The following WWOX variants were observed in gnomAD, a reference collection of about 807,000 sequenced individuals.
WWOX encodes the protein WW domain containing oxidoreductase.
A neutral mutation model predicts 46.2 loss-of-function variants in WWOX; 69 were observed. That is an observed-to-expected ratio of 1.49 (90% CI 1.23 to 1.82). The LOEUF is 1.82. Ranked by LOEUF, WWOX falls within the 40% of genes most tolerant of loss-of-function variation. The probability of loss-of-function intolerance (pLI) is 0.00; values close to 1 mark genes in which losing one functional copy is unlikely to be tolerated. For missense variants in WWOX, 919 were observed against 542.6 expected (o/e 1.69, Z -6.89); for synonymous variants, 359 against 202.6 (o/e 1.77, Z -6.56).
intron 8 of WWOX, among the ~76,000 whole-genome samples, chr16:78,479,828 G>C (rs1024644279): frequency 2.0e-5 from 3 of 152,212 alleles, no homozygotes; most frequent in African/African-American, 7.2e-5. Flanking sequence ...TGAAAGCCAG[G>C]CTGAGGCTGG....
intron 8 of WWOX, among the ~76,000 whole-genome samples, chr16:78,869,452 C>T (rs747293299): frequency 2.6e-5 from 4 of 152,180 alleles, no homozygotes; most frequent in Non-Finnish European, 5.9e-5. Flanking sequence ...CAAGTTTATA[C>T]GCAAGAAGTG....
chr16:78,611,411 C>G (rs1597345825), intron 8 of WWOX, among the ~76,000 whole-genome samples: 1 of 152,144 alleles, frequency 6.6e-6, no homozygotes, highest in Non-Finnish European at 1.5e-5. Flanking sequence ...AATAAATTGT[C>G]TATCCTAAGG....
intron 6 of WWOX, among the ~76,000 whole-genome samples, chr16:78,400,965 T>C (rs1416744340): frequency 6.6e-6 from 1 of 152,144 alleles, no homozygotes; most frequent in Non-Finnish European, 1.5e-5. Flanking sequence ...TGGGACTACA[T>C]GCCTGCACCA....
chr16:78,395,268 C>G (rs1292114360), intron 6 of WWOX, among the ~76,000 whole-genome samples: 7 of 152,160 alleles, frequency 4.6e-5, no homozygotes, highest in Non-Finnish European at 1.0e-4. Context: ...CCTGTTATCC[C>G]AGCACTTTGG....
chr16:78,340,097 ACT>A (rs2080983670), intron 5 of WWOX, among the ~76,000 whole-genome samples: 1 of 88,948 alleles, frequency 1.1e-5, no homozygotes, highest in South Asian at 3.8e-4. Flanking sequence ...TACTCTTTTA[ACT>A]CTCTGATGTT....
intron 7 of WWOX, among the ~76,000 whole-genome samples, chr16:78,431,231 G>A (rs1295553843): frequency 6.6e-6 from 1 of 152,198 alleles, no homozygotes; most frequent in East Asian, 1.9e-4. Context: ...GTTGATTTGT[G>A]TACATCCATG....
At chr16:78,681,723 G>C (rs1260359191) in intron 8 of WWOX, among the ~76,000 whole-genome samples, 2 of 152,208 alleles carry the variant, frequency 1.3e-5, no homozygotes, top group African/African-American at 4.8e-5. Context: ...TACCTGAAGT[G>C]AATGGGACAG....
rs187455301 is a variant in WWOX, at chr16:78,698,222, G to C, written c.1056+265470G>C. 5.4e-3 allele frequency among the ~76,000 whole-genome samples: 818 copies of C among 152,258 alleles called. 6 individuals carry two copies. The highest frequency in any genetic ancestry group is 8.1e-3 in the Non-Finnish European group (553 of 68,022). On this transcript the variant is annotated intron_variant, in intron 8 of 8. Transcript: ENST00000566780. ...GGTCAGACAACACAGATGGAGTTTG[G>C]ATTCGGGCACTGGTGACAGTGAAGA...
chr16:78,656,305 G>A (rs1419098636), intron 8 of WWOX, among the ~76,000 whole-genome samples: 21 of 152,088 alleles, frequency 1.4e-4, no homozygotes. Context: ...CAACATGCAT[G>A]TCCTTTCTCT....
chr16:79,163,997 A>T (rs933035639), intron 8 of WWOX, among the ~76,000 whole-genome samples: 5 of 152,128 alleles, frequency 3.3e-5, no homozygotes, highest in African/African-American at 1.2e-4. Flanking sequence ...TTTGCAAATA[A>T]ACAGTGAGAA....
At chr16:78,797,594 C>G (rs376318965) in intron 8 of WWOX, among the ~76,000 whole-genome samples, 1 of 152,100 alleles carries the variant, frequency 6.6e-6, no homozygotes, top group East Asian at 1.9e-4. Context: ...TGTCAATATT[C>G]CTGAGCTTCC....
intron 8 of WWOX, among the ~76,000 whole-genome samples, chr16:78,878,008 A>G (rs373724281): frequency 1.3e-5 from 2 of 152,238 alleles, no homozygotes; most frequent in African/African-American, 4.8e-5. Flanking sequence ...TATAGGCTCT[A>G]GCAGGTCCCT....
intron 8 of WWOX, among the ~76,000 whole-genome samples, chr16:78,792,869 A>C (rs546678221): frequency 6.6e-6 from 1 of 152,270 alleles, no homozygotes; most frequent in South Asian, 2.1e-4. Context: ...ATTTAGCAGT[A>C]ACAGAATCCA....
chr16:78,656,105 A>T (rs1255239233), intron 8 of WWOX, among the ~76,000 whole-genome samples: 3 of 152,110 alleles, frequency 2.0e-5, no homozygotes, highest in African/African-American at 7.2e-5. Context: ...TGGGATGGGG[A>T]AGAATCAAAA....
At chr16:79,185,655 C>A (rs2050998814) in intron 8 of WWOX, among the ~76,000 whole-genome samples, 1 of 152,074 alleles carries the variant, frequency 6.6e-6, no homozygotes, top group Admixed American at 6.5e-5. Context: ...CAAACACCTG[C>A]CGATGAGCGT....
At chr16:79,101,950 G>A (rs573186482) in intron 8 of WWOX, among the ~76,000 whole-genome samples, 46 of 149,740 alleles carry the variant, frequency 3.1e-4, no homozygotes, top group Non-Finnish European at 1.0e-4. Context: ...AACAATTCTG[G>A]AAGAGTTACC....
At chr16:78,294,591 G>A (rs1597451846) in intron 5 of WWOX, among the ~76,000 whole-genome samples, 1 of 152,086 alleles carries the variant, frequency 6.6e-6, no homozygotes, top group Non-Finnish European at 1.5e-5. Context: ...ATTTGTGTGT[G>A]TATGTATGTC....
intron 8 of WWOX, among the ~76,000 whole-genome samples, chr16:79,157,434 AAAG>A (rs200478402): frequency 0.038 from 5,470 of 145,498 alleles, 342 homozygotes; most frequent in African/African-American, 0.14. Context: ...AAAAAAAAAA[AAAG>A]AAAGAAACCA....
chr16:78,427,801 T>A (rs1567567343), intron 7 of WWOX, among the ~76,000 whole-genome samples: 1 of 149,738 alleles, frequency 6.7e-6, no homozygotes, highest in Non-Finnish European at 1.5e-5. Flanking sequence ...AAAAATTGTT[T>A]AAAAAAAATG....
Sources: gnomAD v4.1 joint callset for allele counts (sites outside exome capture counted in the v4.1 genomes callset) on GRCh38, gnomAD v4.1.1 for gene constraint, MANE v1.5 for transcripts, NCBI Gene and HGNC (gene_info 2026-07-23, HGNC 2026-07-21) for gene names.